BIRC7: variants seen among roughly 807,000 people sequenced by gnomAD.
The protein encoded by BIRC7 is baculoviral IAP repeat containing 7, also known as baculoviral IAP repeat-containing protein 7.
In BIRC7, 26 loss-of-function variants were observed where a neutral mutation model predicts 33.2. The observed-to-expected ratio is 0.78, with a 90% CI of 0.57 to 1.09. BIRC7 has a LOEUF of 1.09. Ranked by LOEUF, BIRC7 falls within the 50% of genes least tolerant of loss-of-function variation. The pLI, the probability that BIRC7 is intolerant of heterozygous loss-of-function variation, is 0.00. For missense variants in BIRC7, 409 were observed against 401.2 expected, an observed-to-expected ratio of 1.02 and a Z score of -0.17; for synonymous variants, 176 against 171.0, an observed-to-expected ratio of 1.03 and a Z score of -0.23.
In BIRC7 at chr20:63,238,309, G is replaced by A. The variant is rs75064873; in HGVS notation, c.450-87G>A. On this transcript the variant is annotated intron_variant, in intron 2 of 6. Transcript: ENST00000217169. ...CACTGCAGGGTGGCGGGAGGAGGGG[G>A]CCCAACCCTGACCCCCGGGGATCCA... 8,997 of 1,512,748 alleles carry A rather than the reference G, an allele frequency of 5.9e-3. 412 individuals are homozygous for A. In the African/African-American group the frequency reaches 0.1, roughly 17 times the overall value. The allele number at this position is 1,512,748 out of a possible 1,614,324, so 93.7% of individuals were successfully genotyped here.
At chr20:63,238,356 G>A (rs867474913) in intron 2 of BIRC7, 40 bp from the exon 3 acceptor site, 7 of 1,607,718 alleles carry the variant, frequency 4.4e-6, no homozygotes, top group South Asian at 1.1e-5. Flanking sequence ...CAGACAGTGG[G>A]GGCCCTGAAC....
In BIRC7 at chr20:63,239,476, G is replaced by A. The variant is rs567125927; in HGVS notation, c.768G>A (p.Leu256=). ...LQEERTCKVC[L]DRAVSIVFVP... is the part of the protein sequence containing the mutation. Reference sequence around the variant, plus strand: ...AGGAGAGGACGTGCAAGGTGTGCCTGGACCGCGCCGTGTCCATCGTCTTTG... The same window carrying A: ...AGGAGAGGACGTGCAAGGTGTGCCTAGACCGCGCCGTGTCCATCGTCTTTG... The change falls in exon 6 of 7, where the codon CTG becomes CTA. Residue 256 remains leucine, a synonymous_variant. Transcript: ENST00000217169. 1.4e-5 allele frequency: 22 copies of A among 1,606,904 alleles called. No homozygotes were observed. The Admixed American group carries it at 3.7e-4, about 27-fold the overall frequency.
In BIRC7 at chr20:63,240,463, GAATAGA is replaced by G. The variant is rs1368288154; in HGVS notation, c.*218_*223del. 1.3e-5 allele frequency: 2 copies of G among 152,272 alleles called. No individual in the cohort carries two copies. The highest frequency in any genetic ancestry group is 2.9e-5 in the Non-Finnish European group (2 of 68,104). 9.4% of individuals were successfully genotyped at this position (152,272 alleles called of 1,614,324 possible). ...TAACTGTACCTGTTTGGATGCTTCT[GAATAGA>G]AATAAAGTGGGTTTTCCCTGGAGGT... On this transcript the variant is annotated 3_prime_UTR_variant, in exon 7 of 7. Coordinates refer to ENST00000217169, the MANE Select transcript of BIRC7 (RefSeq NM_139317.3).
chr20:63,239,353 C>T lies in BIRC7; in HGVS notation c.650-5C>T, dbSNP rs376620293. 8.1e-6 allele frequency: 13 copies of T among 1,602,628 alleles called. No homozygotes were observed. The African/African-American group carries it at 1.5e-4, about 18-fold the overall frequency. Reference sequence around the variant, plus strand: ...TGGGGACATTTCGCAGGCCTGTCCTCCTAGGAGGGGTCAGTCCAGCCGAGG... The same window carrying T: ...TGGGGACATTTCGCAGGCCTGTCCTTCTAGGAGGGGTCAGTCCAGCCGAGG... On this transcript the variant is annotated splice_region_variant and splice_polypyrimidine_tract_variant and intron_variant, in intron 5 of 6. Coordinates refer to ENST00000217169, the MANE Select transcript of BIRC7 (RefSeq NM_139317.3).
intron 3 of BIRC7, 30 bp downstream of exon 3, chr20:63,238,507 G>C: frequency 6.2e-7 from 1 of 1,612,972 alleles, no homozygotes; most frequent in Admixed American, 1.7e-5. Flanking sequence ...GGGGCTCCGG[G>C]TGGCAGTGGG....
rs1192402840 is a variant in BIRC7, at chr20:63,239,405, C to T, written c.697C>T (p.Pro233Ser). The change falls in exon 6 of 7, where the codon CCC (proline) becomes TCC (serine). Residue 233 changes from proline (P) to serine (S), a missense_variant. Transcript: ENST00000217169. The stretch of plus-strand genomic sequence containing the variant: ...CCAGAGGGCGTGGTGGGTTCTTGAG[C>T]CCCCAGGAGCCAGGGATGTGGAGGC... ...EAQRAWWVLE[P>S]PGARDVEAQL... 3 of 1,604,916 alleles carry T rather than the reference C, an allele frequency of 1.9e-6. No homozygotes were observed. Among genetic ancestry groups the T allele is most frequent in the Admixed American group, 3.3e-5 (2 of 59,986 alleles).
intron 4 of BIRC7, 176 bp downstream of exon 4, chr20:63,238,790 G>A: frequency 2.4e-6 from 2 of 822,854 alleles, no homozygotes; most frequent in Non-Finnish European, 3.8e-6. Flanking sequence ...GGTGGGGGCG[G>A]GGCGGCAGGG....
intron 6 of BIRC7, 26 bp downstream of exon 6, chr20:63,239,636 C>A: frequency 6.4e-7 from 1 of 1,571,502 alleles, no homozygotes; most frequent in East Asian, 2.3e-5. Context: ...CCACGCGCAG[C>A]CAGCCCTCCT....
intron 6 of BIRC7, among the ~76,000 whole-genome samples, chr20:63,239,813 A>G (rs945907686): frequency 2.6e-5 from 4 of 152,146 alleles, no homozygotes; most frequent in Admixed American, 6.5e-5. Flanking sequence ...TCCTTCGGGC[A>G]CCGTGCCCTG....
At chr20:63,238,705 C>A in intron 4 of BIRC7, 91 bp downstream of exon 4, 1 of 1,515,544 alleles carries the variant, frequency 6.6e-7, no homozygotes, top group Non-Finnish European at 9.0e-7. Flanking sequence ...TCCCAGACAG[C>A]AGGGAGAGTG....
chr20:63,239,330 G>C lies in BIRC7; in HGVS notation c.650-28G>C, dbSNP rs193196289. ...CATAGAGGGTGGGGGCCAGGGTGTG[G>C]GGACATTTCGCAGGCCTGTCCTCCT... On this transcript the variant is annotated intron_variant, in intron 5 of 6. Transcript: ENST00000217169. The C allele has an allele frequency of 3.1e-6, 5 of 1,602,648 alleles. No individual in the cohort carries two copies. In the Admixed American group the frequency reaches 5.0e-5, roughly 16 times the overall value.
intron 2 of BIRC7, 36 bp downstream of exon 2, chr20:63,238,038 A>T: frequency 2.7e-6 from 4 of 1,509,018 alleles, no homozygotes; most frequent in Non-Finnish European, 2.7e-6. Context: ...GGGTCTGATC[A>T]TGGGTAGGGG....
chr20:63,238,276 C>A lies in BIRC7; in HGVS notation c.450-120C>A, dbSNP rs541193453. On this transcript the variant is annotated intron_variant, in intron 2 of 6. Transcript: ENST00000217169. ...TCCACAGCAGCCCTCCTCGCCCATG[C>A]CCACGGGCACTGCAGGGTGGCGGGA... 5.6e-6 allele frequency: 7 copies of A among 1,250,768 alleles called. No homozygotes were observed. The Admixed American group carries it at 7.7e-5, about 14-fold the overall frequency. The allele number at this position is 1,250,768 out of a possible 1,614,324, so 77.5% of individuals were successfully genotyped here. A position where few individuals can be genotyped will look rare whatever the true frequency, so the allele number is the denominator to read the frequency against.
rs149322415 is a variant in BIRC7 at position 63,236,430 on chromosome 20, G to T, written c.334G>T (p.Gly112Cys). The T allele has an allele frequency of 7.8e-6, 12 of 1,543,280 alleles. No homozygotes were observed. The Admixed American group carries it at 1.1e-4, about 14-fold the overall frequency. The change falls in exon 1 of 7, where the codon GGC becomes TGC. Residue 112 changes from glycine to cysteine, a missense_variant. Coordinates refer to ENST00000217169, the MANE Select transcript of BIRC7 (RefSeq NM_139317.3). ...EVPPELLAAA[G>C]FFHTGHQDKV... ...GCCACCCGAGCTGCTGGCTGCTGCC[G>T]GCTTCTTCCACACAGGTCAGTCCCG...
At chr20:63,238,197 TG>T (rs1568695814) in intron 2 of BIRC7, 195 bp downstream of exon 2, 1 of 856,456 alleles carries the variant, frequency 1.2e-6, no homozygotes, top group Non-Finnish European at 1.9e-6. Context: ...GAAGGGCTGC[TG>T]GGGGCAGAAA....
intron 1 of BIRC7, 141 bp from the exon 2 acceptor site, chr20:63,237,762 A>C (rs2066699891): frequency 4.0e-5 from 24 of 597,674 alleles, no homozygotes; most frequent in East Asian, 6.5e-5. Flanking sequence ...ATCCCCCACC[A>C]AGCCCCCTGC....
chr20:63,239,566 A>C lies in BIRC7; in HGVS notation c.858A>C (p.Arg286Ser). 2 of 1,601,694 alleles carry C rather than the reference A, an allele frequency of 1.2e-6. No homozygotes were observed. Among genetic ancestry groups the C allele is most frequent in the Non-Finnish European group, 1.7e-6 (2 of 1,179,484 alleles). Residue 286 changes from arginine (R) to serine (S), a missense_variant, in exon 6 of 7, where the codon AGA (arginine) becomes AGC (serine). Transcript: ENST00000217169. ...APGLQLCPICRAPVRSRVRTF... is the reference protein window; with the variant it reads ...APGLQLCPICSAPVRSRVRTF... ...GCCTGCAGCTGTGCCCCATCTGCAGAGCCCCCGTCCGCAGCCGCGTGCGCA... is the reference window on the plus strand; with the variant it reads ...GCCTGCAGCTGTGCCCCATCTGCAGCGCCCCCGTCCGCAGCCGCGTGCGCA...
chr20:63,236,417 GC>G lies in BIRC7; in HGVS notation c.322del (p.Leu108TrpfsTer15). 3.2e-6 allele frequency: 5 copies of G among 1,546,288 alleles called. No homozygotes were observed. The highest frequency in any genetic ancestry group is 4.4e-6 in the Non-Finnish European group (5 of 1,144,814). ...TGACTGCTGAGGTGCCACCCGAGCT[GC>G]TGGCTGCTGCCGGCTTCTTCCACAC... is the stretch of plus-strand genomic sequence containing the variant. ...PLTAEVPPEL[L>X]AAAGFFHTGH... On this transcript the variant is annotated frameshift_variant, in exon 1 of 7. Transcript: ENST00000217169. LOFTEE classifies it high-confidence loss of function.
At chr20:63,237,768 C>T in intron 1 of BIRC7, 135 bp from the exon 2 acceptor site, 1 of 673,090 alleles carries the variant, frequency 1.5e-6, no homozygotes, top group Non-Finnish European at 2.4e-6. Flanking sequence ...CACCAAGCCC[C>T]CTGCCCACCC....
Sources: allele counts gnomAD v4.1 joint callset (sites outside exome capture counted in the v4.1 genomes callset), GRCh38; gene constraint gnomAD v4.1.1; transcripts MANE v1.5; gene names NCBI Gene and HGNC (gene_info 2026-07-23, HGNC 2026-07-21).